Variants in MYO3B observed in about 807,000 individuals in gnomAD.
MYO3B encodes myosin-IIIb.
In MYO3B, 156 loss-of-function variants were observed where a neutral mutation model predicts 174.6. That is an observed-to-expected ratio of 0.89 (90% CI 0.78 to 1.02). The LOEUF (loss-of-function observed/expected upper bound fraction) is 1.02. Ranked by LOEUF, MYO3B falls within the 50% of genes least tolerant of loss-of-function variation. The pLI, the probability that MYO3B is intolerant of heterozygous loss-of-function variation, is 0.00. For missense variants in MYO3B, 1,632 were observed against 1,639.4 expected, an observed-to-expected ratio of 1.00 and a Z score of 0.08; for synonymous variants, 563 against 569.1, an observed-to-expected ratio of 0.99 and a Z score of 0.15.
chr2:170,197,611 T>C (rs773788424), intron 1 of MYO3B, among the ~76,000 whole-genome samples: 8 of 152,186 alleles, frequency 5.3e-5, no homozygotes, highest in Non-Finnish European at 1.2e-4. Context: ...TGTTCATTCA[T>C]TCAGTTTTAG....
intron 22 of MYO3B, among the ~76,000 whole-genome samples, chr2:170,439,253 T>C (rs1306263946): frequency 6.6e-6 from 1 of 151,414 alleles, no homozygotes; most frequent in East Asian, 2.0e-4. Context: ...GCGCCTGTAG[T>C]CCCAGCTACT....
At chr2:170,511,522 A>G (rs1047007507) in intron 28 of MYO3B, among the ~76,000 whole-genome samples, 2 of 152,128 alleles carry the variant, frequency 1.3e-5, no homozygotes, top group Non-Finnish European at 2.9e-5. Context: ...TTGCATAGCA[A>G]TTTATAGTCT....
intron 32 of MYO3B, among the ~76,000 whole-genome samples, chr2:170,576,045 G>T (rs1692762292): frequency 6.6e-6 from 1 of 152,140 alleles, no homozygotes; most frequent in South Asian, 2.1e-4. Flanking sequence ...GCTAGCCAAA[G>T]TCCCCAGACT....
At chr2:170,476,063 G>T (rs922484659) in intron 25 of MYO3B, among the ~76,000 whole-genome samples, 1 of 121,610 alleles carries the variant, frequency 8.2e-6, no homozygotes, top group Non-Finnish European at 2.1e-5. Flanking sequence ...TGAAATGGGA[G>T]TGTTCCCTGT....
At chr2:170,305,016 T>G (rs1300205661) in intron 7 of MYO3B, among the ~76,000 whole-genome samples, 1 of 152,076 alleles carries the variant, frequency 6.6e-6, no homozygotes, top group Admixed American at 6.5e-5. Context: ...GTCTCAAGAT[T>G]TTAAAAGTAT....
At position 170,382,057 on chromosome 2, in the gene MYO3B, A is replaced by T; in HGVS notation, c.1013A>T (p.Asp338Val). The change falls in exon 10 of 35, where the codon GAT (aspartate) becomes GTT (valine). Residue 338 changes from aspartate (D) to valine (V), a missense_variant. Coordinates refer to ENST00000408978, the MANE Select transcript of MYO3B (RefSeq NM_138995.5). ...ACCAGAAGACCTTATCATGTGGAAGATGCTGAAAAATACTGCCTTGAGGAT... is the reference window on the plus strand; with the variant it reads ...ACCAGAAGACCTTATCATGTGGAAGTTGCTGAAAAATACTGCCTTGAGGAT... ...MHTRRPYHVE[D>V]AEKYCLEDDL... is the part of the protein sequence containing the mutation. 1 of 1,613,796 alleles carries T rather than the reference A, an allele frequency of 6.2e-7. No individual in the cohort carries two copies. The highest frequency in any genetic ancestry group is 1.1e-5 in the South Asian group (1 of 91,038).
At chr2:170,290,908 C>T (rs1284393364) in intron 7 of MYO3B, among the ~76,000 whole-genome samples, 3 of 151,522 alleles carry the variant, frequency 2.0e-5, no homozygotes, top group Non-Finnish European at 4.4e-5. Context: ...TAACAGGTTA[C>T]TTTAAAGAGA....
intron 25 of MYO3B, among the ~76,000 whole-genome samples, chr2:170,491,672 G>T (rs755209352): frequency 1.3e-5 from 2 of 152,272 alleles, no homozygotes; most frequent in East Asian, 1.9e-4. Flanking sequence ...TGATCTGCCC[G>T]CCTTGGCCTC....
chr2:170,227,146 G>A (rs1455751030), intron 6 of MYO3B, among the ~76,000 whole-genome samples: 1 of 152,226 alleles, frequency 6.6e-6, no homozygotes, highest in East Asian at 1.9e-4. Flanking sequence ...GCCACCATGA[G>A]AGCAAATGGG....
intron 22 of MYO3B, among the ~76,000 whole-genome samples, chr2:170,414,136 T>G (rs1471721753): frequency 6.6e-6 from 1 of 152,186 alleles, no homozygotes; most frequent in Admixed American, 6.5e-5. Context: ...TGGTTCTGTT[T>G]CATTGATCAA....
chr2:170,294,222 T>C (rs2093614466), intron 7 of MYO3B, among the ~76,000 whole-genome samples: 1 of 151,972 alleles, frequency 6.6e-6, no homozygotes, highest in Non-Finnish European at 1.5e-5. Context: ...AAATTCTCCA[T>C]ATACTGTTCT....
At chr2:170,553,108 G>A (rs1691035822) in intron 32 of MYO3B, among the ~76,000 whole-genome samples, 2 of 152,184 alleles carry the variant, frequency 1.3e-5, no homozygotes, top group South Asian at 4.1e-4. Flanking sequence ...GCCTCATGGA[G>A]AACCTCTAAT....
chr2:170,600,118 T>G (rs1694416819), intron 32 of MYO3B, among the ~76,000 whole-genome samples: 1 of 140,998 alleles, frequency 7.1e-6, no homozygotes, highest in Non-Finnish European at 1.5e-5. Flanking sequence ...AGATAAGCCC[T>G]TCCTTGTTGT....
At chr2:170,230,592 A>C (rs2093005148) in intron 6 of MYO3B, among the ~76,000 whole-genome samples, 1 of 152,000 alleles carries the variant, frequency 6.6e-6, no homozygotes, top group South Asian at 2.1e-4. Context: ...TTGAAAATTA[A>C]GGCAAACTTT....
At chr2:170,616,833 T>C (rs940019616) in intron 32 of MYO3B, among the ~76,000 whole-genome samples, 1 of 152,232 alleles carries the variant, frequency 6.6e-6, no homozygotes, top group Non-Finnish European at 1.5e-5. Context: ...TCTGTTCTTT[T>C]AGTTTGCTTA....
intron 3 of MYO3B, among the ~76,000 whole-genome samples, chr2:170,207,944 C>A (rs13417678): frequency 4.3e-4 from 66 of 152,224 alleles, no homozygotes; most frequent in African/African-American, 1.5e-3. Flanking sequence ...CGGCTTTCAC[C>A]CTTGTTAAAA....
At chr2:170,347,584 G>A (rs1268489193) in intron 8 of MYO3B, among the ~76,000 whole-genome samples, 1 of 152,080 alleles carries the variant, frequency 6.6e-6, no homozygotes, top group African/African-American at 2.4e-5. Flanking sequence ...CTGGGTGATG[G>A]AGTGAGACTG....
At chr2:170,257,776 A>G (rs1248720540) in intron 7 of MYO3B, among the ~76,000 whole-genome samples, 2 of 152,160 alleles carry the variant, frequency 1.3e-5, no homozygotes, top group Non-Finnish European at 2.9e-5. Context: ...AGGATCAATG[A>G]AACCAAACGT....
chr2:170,531,886 T>C (rs769895550), intron 30 of MYO3B, among the ~76,000 whole-genome samples: 2 of 152,206 alleles, frequency 1.3e-5, no homozygotes, highest in Non-Finnish European at 2.9e-5. Flanking sequence ...AAAATCATCA[T>C]TTGGCAACTG....
Sources: allele counts gnomAD v4.1 joint callset (sites outside exome capture counted in the v4.1 genomes callset), GRCh38; gene constraint gnomAD v4.1.1; transcripts MANE v1.5; gene names NCBI Gene and HGNC (gene_info 2026-07-23, HGNC 2026-07-21).